PCDHGB2: variants seen among roughly 807,000 people sequenced by gnomAD.
PCDHGB2 encodes the protein protocadherin gamma-B2.
PCDHGB2 carries 55 observed loss-of-function variants against 59.3 expected under a neutral mutation model. The observed-to-expected ratio is 0.93, with a 90% confidence interval of 0.75 to 1.16. The LOEUF (loss-of-function observed/expected upper bound fraction) is 1.16, where lower values mean the gene tolerates loss of function less well. PCDHGB2 is among the 50% of genes most tolerant of loss of function. The pLI is 0.00. For synonymous variants in PCDHGB2, 516 were observed against 512.0 expected, an observed-to-expected ratio of 1.01 and a Z score of -0.11; for missense variants, 1,228 against 1,198.5, an observed-to-expected ratio of 1.02 and a Z score of -0.36.
At chr5:141,371,584 A>T in intron 1 of PCDHGB2, 2 of 1,613,962 alleles carry the variant, frequency 1.2e-6, no homozygotes, top group Non-Finnish European at 1.7e-6. Flanking sequence ...ATCGTTCAAG[A>T]TACCAAAAAC....
chr5:141,494,781 C>T, intron 1 of PCDHGB2, 26 bp from the exon 2 acceptor site: 1 of 1,614,074 alleles, frequency 6.2e-7, no homozygotes, highest in African/African-American at 1.3e-5. Flanking sequence ...GGGTACTCAG[C>T]CCCTTTCCCT....
At chr5:141,369,395 G>A (rs1766207987) in intron 1 of PCDHGB2, among the ~76,000 whole-genome samples, 1 of 152,102 alleles carries the variant, frequency 6.6e-6, no homozygotes, top group Non-Finnish European at 1.5e-5. Context: ...TTTGGGCCAG[G>A]GTGGTTCATG....
rs2099695710 is a variant in PCDHGB2, at chr5:141,490,068, A to G, written c.2422-4739A>G. On this transcript the variant is annotated intron_variant, in intron 1 of 3. Coordinates refer to ENST00000522605, the MANE Select transcript of PCDHGB2 (RefSeq NM_018923.3). This position sits in a 1 kb window ranked among gnomAD's most constrained non-coding sequence, Gnocchi z 5.4. ...ATCCAGACGAGGGCACCAACGGCCA[A>G]CTAGACTATTCTTTTGGAGACCACA... is the stretch of plus-strand genomic sequence containing the variant. 2 of 1,614,152 alleles carry G rather than the reference A, an allele frequency of 1.2e-6. No homozygotes were observed. The highest frequency in any genetic ancestry group is 1.6e-4 in the Middle Eastern group (1 of 6,084).
chr5:141,386,433 T>C (rs1214742071), intron 1 of PCDHGB2, among the ~76,000 whole-genome samples: 1 of 152,144 alleles, frequency 6.6e-6, no homozygotes, highest in African/African-American at 2.4e-5. Context: ...CCCACCTGCA[T>C]GGGAGGCTGA....
intron 1 of PCDHGB2, among the ~76,000 whole-genome samples, chr5:141,456,887 C>T (rs112521083): frequency 0.042 from 6,384 of 152,090 alleles, 167 homozygotes; most frequent in Middle Eastern, 0.088. Flanking sequence ...CGCTTGAACC[C>T]GGGAGGCAGA....
At chr5:141,419,757 G>A (rs1468216226) in intron 1 of PCDHGB2, 5 of 1,613,876 alleles carry the variant, frequency 3.1e-6, no homozygotes, top group African/African-American at 1.3e-5. Flanking sequence ...CGTGCTTTGG[G>A]TGACAAGGAC....
Position 141,431,858 on chromosome 5 carries a change from G to A in PCDHGB2, c.2422-62949G>A, listed in dbSNP as rs1421209596. The A allele has an allele frequency of 1.1e-5, 17 of 1,614,198 alleles. No individual in the cohort carries two copies. Among genetic ancestry groups the A allele is most frequent in the Non-Finnish European group, 1.4e-5 (17 of 1,180,020 alleles). On this transcript the variant is annotated intron_variant, in intron 1 of 3. Coordinates refer to ENST00000522605, the MANE Select transcript of PCDHGB2 (RefSeq NM_018923.3). The surrounding 1 kb of genome is among the most constrained non-coding windows in gnomAD (Gnocchi z 4.8). ...AAACTCTCCCAGAGGGACATTAATTGCCCTTTTAAATGTAAATGACCAAGA... is the reference window on the plus strand; with the variant it reads ...AAACTCTCCCAGAGGGACATTAATTACCCTTTTAAATGTAAATGACCAAGA...
rs925034052 is a variant in PCDHGB2, at chr5:141,486,630, T to G, written c.2422-8177T>G. 2 of 1,613,690 alleles carry G rather than the reference T, an allele frequency of 1.2e-6. No individual in the cohort carries two copies. Among genetic ancestry groups the G allele is most frequent in the Non-Finnish European group, 1.7e-6 (2 of 1,180,028 alleles). ...GCAGCCTCTGACCCAGACTCTGGCTTGAATGCGCTTATCTCCTACTCACTC... is the reference window on the plus strand; with the variant it reads ...GCAGCCTCTGACCCAGACTCTGGCTGGAATGCGCTTATCTCCTACTCACTC... On this transcript the variant is annotated intron_variant, in intron 1 of 3. Coordinates refer to ENST00000522605, the MANE Select transcript of PCDHGB2 (RefSeq NM_018923.3). This position sits in a 1 kb window ranked among gnomAD's most constrained non-coding sequence, Gnocchi z 5.0.
intron 1 of PCDHGB2, chr5:141,404,268 C>A (rs1334326806): frequency 1.2e-6 from 2 of 1,613,860 alleles, no homozygotes; most frequent in African/African-American, 2.7e-5. Context: ...ATTCACATCA[C>A]CCTGCAAGTG....
chr5:141,468,282 G>A (rs1368214716), intron 1 of PCDHGB2, among the ~76,000 whole-genome samples: 1 of 140,012 alleles, frequency 7.1e-6, no homozygotes, highest in African/African-American at 2.7e-5. Context: ...CCGAGACCAC[G>A]CCATTGCACC....
At chr5:141,473,966 G>A (rs1268822103) in intron 1 of PCDHGB2, among the ~76,000 whole-genome samples, 3 of 152,174 alleles carry the variant, frequency 2.0e-5, no homozygotes, top group Non-Finnish European at 4.4e-5. Context: ...CTACTTAGAA[G>A]TCTGAGGCGG....
At chr5:141,416,011 G>A (rs2095982763) in intron 1 of PCDHGB2, 2 of 239,912 alleles carry the variant, frequency 8.3e-6, no homozygotes, top group Non-Finnish European at 7.8e-6. Flanking sequence ...GGTAAGAATA[G>A]GTAAGTATCA....
At chr5:141,389,140 C>T in intron 1 of PCDHGB2, 3 of 1,613,996 alleles carry the variant, frequency 1.9e-6, no homozygotes, top group Non-Finnish European at 2.5e-6. Context: ...TACAATATAA[C>T]CGTTACGGCA....
chr5:141,470,565 A>T (rs2099233471), intron 1 of PCDHGB2, among the ~76,000 whole-genome samples: 1 of 152,172 alleles, frequency 6.6e-6, no homozygotes, highest in African/African-American at 2.4e-5. Context: ...CCTCTGTGCC[A>T]AGCAGGATCA....
At chr5:141,387,768 T>G (rs892776132) in intron 1 of PCDHGB2, 1 of 1,435,344 alleles carries the variant, frequency 7.0e-7, no homozygotes, top group African/African-American at 1.4e-5. Context: ...AGAAGAATTT[T>G]TTCTTGAACT....
At position 141,431,365 on chromosome 5, in the gene PCDHGB2, C is replaced by T. The variant is rs2097365932; in HGVS notation, c.2422-63442C>T. ...TGGTGCTGAAACGCGCCCTGGACCG[C>T]GAAGAAAAGGCTGCTCACCACCTGG... On this transcript the variant is annotated intron_variant, in intron 1 of 3. Coordinates refer to ENST00000522605, the MANE Select transcript of PCDHGB2 (RefSeq NM_018923.3). The surrounding 1 kb of genome is among the most constrained non-coding windows in gnomAD (Gnocchi z 4.8). 6 of 1,613,980 alleles carry T rather than the reference C, an allele frequency of 3.7e-6. No homozygotes were observed. Among genetic ancestry groups the T allele is most frequent in the Non-Finnish European group, 5.1e-6 (6 of 1,180,028 alleles).
chr5:141,391,821 T>G (rs2092426299), intron 1 of PCDHGB2: 1 of 152,220 alleles, frequency 6.6e-6, no homozygotes, highest in African/African-American at 2.4e-5. Flanking sequence ...GTAGGTAAAG[T>G]TAATTTTAGA....
At chr5:141,482,790 G>A (rs2099572686) in intron 1 of PCDHGB2, among the ~76,000 whole-genome samples, 1 of 128,870 alleles carries the variant, frequency 7.8e-6, no homozygotes, top group African/African-American at 3.5e-5. Context: ...CTGTGTGTGT[G>A]GCCGGGTACG....
At chr5:141,502,203 C>G (rs1562205141) in intron 2 of PCDHGB2, among the ~76,000 whole-genome samples, 1 of 152,122 alleles carries the variant, frequency 6.6e-6, no homozygotes. Context: ...ATAGAATCCA[C>G]CAGCAGATTT....
Sources: allele counts gnomAD v4.1 joint callset (sites outside exome capture counted in the v4.1 genomes callset), GRCh38; gene constraint gnomAD v4.1.1; non-coding constraint Gnocchi (gnomAD v3.1); transcripts MANE v1.5; gene names NCBI Gene and HGNC (gene_info 2026-07-23, HGNC 2026-07-21).